The following TINCR variants were observed in gnomAD, a reference collection of about 807,000 sequenced individuals.
TINCR encodes the protein TINCR ubiquitin domain containing, also known as TINCR-encoded ubiquitin-like protein.
intron 1 of TINCR, among the ~76,000 whole-genome samples, chr19:5,566,149 A>G (rs938150870): frequency 6.6e-6 from 1 of 152,202 alleles, no homozygotes; most frequent in African/African-American, 2.4e-5. Flanking sequence ...CGGTAGGGAG[A>G]GACCAGAGAA....
chr19:5,564,698 C>T (rs1313110313), intron 1 of TINCR, among the ~76,000 whole-genome samples: 1 of 152,242 alleles, frequency 6.6e-6, no homozygotes, highest in Non-Finnish European at 1.5e-5. Context: ...CTGCCTCAGC[C>T]TCCCAAGTAG....
Position 5,563,816 on chromosome 19 carries a change from G to A in TINCR, c.261-867C>T, listed in dbSNP as rs1429442251. Among the ~76,000 whole-genome samples, 3 of 152,198 alleles carry A rather than the reference G, an allele frequency of 2.0e-5. No individual in the cohort carries two copies. The highest frequency in any genetic ancestry group is 2.9e-5 in the Non-Finnish European group (2 of 68,040). On this transcript the variant is annotated intron_variant, in intron 1 of 1. Coordinates refer to ENST00000646160, the Ensembl canonical transcript of TINCR. The surrounding 1 kb of genome is among the most constrained non-coding windows in gnomAD (Gnocchi z 4.7). ...TGTAATCCCAGCTACTCAGGAGACT[G>A]AGGCAGGAGAATCGCTTGAACCCGG...
chr19:5,567,623 G>GCCCCCC, intron 1 of TINCR, 42 bp downstream of exon 1: 2 of 328,348 alleles, frequency 6.1e-6, no homozygotes, highest in African/African-American at 2.2e-5. Flanking sequence ...GGGGTCCCCG[G>GCCCCCC]CCGCCGCCCC....
rs2052124801 is a variant in TINCR, at chr19:5,565,673, T to C, written c.260+1992A>G. On this transcript the variant is annotated intron_variant, in intron 1 of 1. Transcript: ENST00000646160. The surrounding 1 kb of genome is among the most constrained non-coding windows in gnomAD (Gnocchi z 4.0). ...CAGCCTCCCCGTCCCCGCTAAGATC[T>C]TCCCTCAAGAGGGCCTGGGGAGGGG... Among the ~76,000 whole-genome samples the C allele has an allele frequency of 6.6e-6, 1 of 152,066 alleles. No individual in the cohort carries two copies. The highest frequency in any genetic ancestry group is 1.5e-5 in the Non-Finnish European group (1 of 68,002).
At chr19:5,566,288 CAG>C (rs2052128395) in intron 1 of TINCR, among the ~76,000 whole-genome samples, 1 of 151,790 alleles carries the variant, frequency 6.6e-6, no homozygotes, top group African/African-American at 2.4e-5. Context: ...ACCAAAATAA[CAG>C]AGACAGAGAC....
intron 1 of TINCR, among the ~76,000 whole-genome samples, chr19:5,566,058 AG>A (rs1299022402): frequency 1.3e-5 from 2 of 152,200 alleles, no homozygotes; most frequent in East Asian, 3.8e-4. Flanking sequence ...CGTCTTGGCC[AG>A]GGGACCTCTT....
intron 1 of TINCR, 39 bp downstream of exon 1, chr19:5,567,626 G>GCCTCCCCCCCCCCCCCCCCCCCCCCC: frequency 9.9e-6 from 2 of 202,440 alleles, no homozygotes; most frequent in Non-Finnish European, 9.8e-6. Flanking sequence ...GTCCCCGGCC[G>GCCTCCCCCCCCCCCCCCCCCCCCCCC]CCGCCCCCGC....
rs1265694485 is a variant in TINCR, at chr19:5,565,646, C to T, written c.260+2019G>A. On this transcript the variant is annotated intron_variant, in intron 1 of 1. Transcript: ENST00000646160. The surrounding 1 kb of genome is among the most constrained non-coding windows in gnomAD (Gnocchi z 4.0). ...CTGAACCTCCATCCCTCATCATCCTCTCAGCCTCCCCGTCCCCGCTAAGAT... is the reference window on the plus strand; with the variant it reads ...CTGAACCTCCATCCCTCATCATCCTTTCAGCCTCCCCGTCCCCGCTAAGAT... Among the ~76,000 whole-genome samples, 6 of 152,128 alleles carry T rather than the reference C, an allele frequency of 3.9e-5. No homozygotes were observed. The South Asian group carries it at 8.3e-4, about 21-fold the overall frequency.
In TINCR at chr19:5,563,551, G is replaced by A. The variant is rs2052112045; in HGVS notation, c.261-602C>T. Among the ~76,000 whole-genome samples the A allele has an allele frequency of 6.6e-6, 1 of 152,186 alleles. No homozygotes were observed. Among genetic ancestry groups the A allele is most frequent in the African/African-American group, 2.4e-5 (1 of 41,444 alleles). On this transcript the variant is annotated intron_variant, in intron 1 of 1. Transcript: ENST00000646160. This position sits in a 1 kb window ranked among gnomAD's most constrained non-coding sequence, Gnocchi z 4.7. The stretch of plus-strand genomic sequence containing the variant: ...GGGCGTGGCTTTAAAGCTGGGTTTA[G>A]ACCCTGGCTCTGCCCCTTCCCAGCT...
At chr19:5,564,595 T>C (rs1455412881) in intron 1 of TINCR, among the ~76,000 whole-genome samples, 2 of 152,288 alleles carry the variant, frequency 1.3e-5, no homozygotes, top group African/African-American at 4.8e-5. Context: ...TTCTTTTGTT[T>C]TGAGACGGAG....
chr19:5,567,640 A>T (rs924358389), intron 1 of TINCR, 25 bp downstream of exon 1: 6 of 105,486 alleles, frequency 5.7e-5, no homozygotes, highest in African/African-American at 2.9e-4. Context: ...CCCCCGCCCC[A>T]CCCCACCCCG....
chr19:5,558,179 A>C (rs973482036), downstream of TINCR: 1 of 152,280 alleles, frequency 6.6e-6, no homozygotes, highest in African/African-American at 2.4e-5. Context: ...GTTTTCAAAC[A>C]TGTAATCTTT....
At chr19:5,558,524 G>C (rs1418451949), downstream of TINCR, 2 of 152,346 alleles carry the variant, frequency 1.3e-5, no homozygotes, top group African/African-American at 2.4e-5. Flanking sequence ...AGTAGCAGGA[G>C]AAAAACAGAC....
chr19:5,567,282 CAAAG>C (rs2052135160), intron 1 of TINCR, among the ~76,000 whole-genome samples: 1 of 149,702 alleles, frequency 6.7e-6, no homozygotes, highest in African/African-American at 2.5e-5. Flanking sequence ...ATGAAAGAGA[CAAAG>C]AGAGGCACAG....
chr19:5,563,852 T>C lies in TINCR; in HGVS notation c.261-903A>G, dbSNP rs1329485166. On this transcript the variant is annotated intron_variant, in intron 1 of 1. Transcript: ENST00000646160. This position sits in a 1 kb window ranked among gnomAD's most constrained non-coding sequence, Gnocchi z 4.7. ...ATCGCTTGAACCCGGGAGGCAGAGGTTGCAGTGAGCCGAGATTGCGCCACT... is the reference window on the plus strand; with the variant it reads ...ATCGCTTGAACCCGGGAGGCAGAGGCTGCAGTGAGCCGAGATTGCGCCACT... Among the ~76,000 whole-genome samples the C allele has an allele frequency of 6.6e-6, 1 of 151,850 alleles. No homozygotes were observed. The highest frequency in any genetic ancestry group is 1.5e-5 in the Non-Finnish European group (1 of 67,948).
chr19:5,563,741 G>C lies in TINCR; in HGVS notation c.261-792C>G, dbSNP rs960100238. On this transcript the variant is annotated intron_variant, in intron 1 of 1. Transcript: ENST00000646160. The surrounding 1 kb of genome is among the most constrained non-coding windows in gnomAD (Gnocchi z 4.7). ...ACCAGCCTGGCCAACATGGTGAAAC[G>C]GTCTCTACTAAAAATACAAAAAAAT... Among the ~76,000 whole-genome samples, 7 of 151,870 alleles carry C rather than the reference G, an allele frequency of 4.6e-5. No individual in the cohort carries two copies. Among genetic ancestry groups the C allele is most frequent in the African/African-American group, 1.7e-4 (7 of 41,330 alleles).
At position 5,565,036 on chromosome 19, in the gene TINCR, TC is replaced by T. The variant is rs1371716666; in HGVS notation, c.261-2088del. ...GCATTGAGTCAGGTCCCGTCCCTCCTCTGCCCACAGCCCTCTATGGCTCCCA... is the reference window on the plus strand; with the variant it reads ...GCATTGAGTCAGGTCCCGTCCCTCCTTGCCCACAGCCCTCTATGGCTCCCA... On this transcript the variant is annotated intron_variant, in intron 1 of 1. Transcript: ENST00000646160. The surrounding 1 kb of genome is among the most constrained non-coding windows in gnomAD (Gnocchi z 4.0). 3.3e-5 allele frequency among the ~76,000 whole-genome samples: 5 copies of T among 152,132 alleles called. No homozygotes were observed. Among genetic ancestry groups the T allele is most frequent in the African/African-American group, 1.2e-4 (5 of 41,424 alleles).
rs542821084 is a variant in TINCR, at chr19:5,562,992, G to T, written c.261-43C>A. 1 of 152,504 alleles carries T rather than the reference G, an allele frequency of 6.6e-6. No individual in the cohort carries two copies. The highest frequency in any genetic ancestry group is 2.1e-4 in the South Asian group (1 of 4,832). The allele number at this position is 152,504 out of a possible 1,614,324, so 9.4% of individuals were successfully genotyped here. A position where few individuals can be genotyped will look rare whatever the true frequency, so the allele number is the denominator to read the frequency against. Reference sequence around the variant, plus strand: ...ACAGGATGGTCAGGGAGGGCTGCAGGAAGAGAGGGAGTTGGGGACCTGAGG... The same window carrying T: ...ACAGGATGGTCAGGGAGGGCTGCAGTAAGAGAGGGAGTTGGGGACCTGAGG... On this transcript the variant is annotated intron_variant, in intron 1 of 1. Coordinates refer to ENST00000646160, the Ensembl canonical transcript of TINCR. The surrounding 1 kb of genome is among the most constrained non-coding windows in gnomAD (Gnocchi z 4.4).
At chr19:5,566,777 CAA>C (rs527414652) in intron 1 of TINCR, among the ~76,000 whole-genome samples, 220 of 150,674 alleles carry the variant, frequency 1.5e-3, no homozygotes, top group African/African-American at 5.3e-3. Context: ...GGCAGAGACA[CAA>C]AGAGACAAAG....
Sources: gnomAD v4.1 joint callset for allele counts (sites outside exome capture counted in the v4.1 genomes callset) on GRCh38, gnomAD v4.1.1 for gene constraint, Gnocchi (gnomAD v3.1) non-coding constraint, MANE v1.5 for transcripts, NCBI Gene and HGNC (gene_info 2026-07-23, HGNC 2026-07-21) for gene names.